The following LPP variants were observed in gnomAD, a reference collection of about 807,000 sequenced individuals.
LPP encodes LIM domain containing preferred translocation partner in lipoma.
In LPP, 38 loss-of-function variants were observed where a neutral mutation model predicts 60.4. The ratio of observed to expected loss-of-function variants is 0.63; its 90% CI spans 0.49 to 0.83. LPP has a LOEUF of 0.83. Ranked by LOEUF, LPP falls within the 40% of genes least tolerant of loss-of-function variation. LPP has a pLI of 0.00. For synonymous variants in LPP, 328 were observed against 290.8 expected, an observed-to-expected ratio of 1.13 and a Z score of -1.30; for missense variants, 902 against 783.6, an observed-to-expected ratio of 1.15 and a Z score of -1.80.
At chr3:188,514,954 G>A (rs561429959) in intron 5 of LPP, among the ~76,000 whole-genome samples, 1 of 152,284 alleles carries the variant, frequency 6.6e-6, no homozygotes, top group South Asian at 2.1e-4. Flanking sequence ...TTCCTTTAAA[G>A]GAGATTTGGG....
At chr3:188,451,148 C>T (rs183503138) in intron 4 of LPP, among the ~76,000 whole-genome samples, 30 of 152,144 alleles carry the variant, frequency 2.0e-4, no homozygotes, top group Non-Finnish European at 2.8e-4. Flanking sequence ...ATCACCAGCA[C>T]GGGGTATTGC....
intron 7 of LPP, among the ~76,000 whole-genome samples, chr3:188,656,939 T>C (rs189239745): frequency 7.4e-4 from 112 of 152,242 alleles, no homozygotes; most frequent in African/African-American, 2.6e-3. Flanking sequence ...TATCCCTTGT[T>C]CTTCCTACTA....
At chr3:188,825,212 T>C (rs1755062845) in intron 9 of LPP, among the ~76,000 whole-genome samples, 1 of 152,086 alleles carries the variant, frequency 6.6e-6, no homozygotes, top group Non-Finnish European at 1.5e-5. Flanking sequence ...GTGCTGCCTT[T>C]GTCTTTGTAT....
At chr3:188,173,660 A>G (rs111583689) in intron 1 of LPP, among the ~76,000 whole-genome samples, 2,123 of 152,216 alleles carry the variant, frequency 0.014, 28 homozygotes, top group South Asian at 0.033. Flanking sequence ...GCAGGATGGG[A>G]CCCACCTTTT....
chr3:188,478,784 C>T (rs1006892771), intron 4 of LPP, among the ~76,000 whole-genome samples: 1 of 152,080 alleles, frequency 6.6e-6, no homozygotes, highest in Non-Finnish European at 1.5e-5. Flanking sequence ...GAGATGGAGT[C>T]TTGCTCTGTC....
chr3:188,526,799 G>C (rs1018000939), intron 6 of LPP, among the ~76,000 whole-genome samples: 1 of 152,096 alleles, frequency 6.6e-6, no homozygotes, highest in African/African-American at 2.4e-5. Context: ...TGGTCTTTTG[G>C]GGGAACCGAT....
At chr3:188,440,296 A>G (rs1305731545) in intron 4 of LPP, among the ~76,000 whole-genome samples, 2 of 152,216 alleles carry the variant, frequency 1.3e-5, no homozygotes, top group Non-Finnish European at 2.9e-5. Context: ...TAAAAAAGAG[A>G]ATAATAACCA....
chr3:188,498,274 A>G (rs1289850111), intron 5 of LPP, among the ~76,000 whole-genome samples: 3 of 152,134 alleles, frequency 2.0e-5, no homozygotes, highest in East Asian at 1.9e-4. Context: ...TATTGTTGCA[A>G]CTGTCACCAG....
rs534249485 is a variant in LPP at position 188,401,884 on chromosome 3, C to A, written c.-9-4228C>A. 3.9e-5 allele frequency among the ~76,000 whole-genome samples: 6 copies of A among 152,204 alleles called. No homozygotes were observed. In the South Asian group the frequency reaches 8.3e-4, roughly 21 times the overall value. ...TAGAATATAGTGCAAGATTTGCCTT[C>A]AAGGACTAGTAGAAAGTAATGCTTA... On this transcript the variant is annotated intron_variant, in intron 3 of 11. Coordinates refer to ENST00000617246, the MANE Select transcript of LPP (RefSeq NM_001375462.1).
At chr3:188,748,654 G>C (rs1727077759) in intron 8 of LPP, among the ~76,000 whole-genome samples, 1 of 151,954 alleles carries the variant, frequency 6.6e-6, no homozygotes, top group African/African-American at 2.4e-5. Context: ...ATGGTGACGT[G>C]CGCCTGTAAT....
chr3:188,256,879 G>T (rs1412026434), intron 2 of LPP, among the ~76,000 whole-genome samples: 1 of 152,200 alleles, frequency 6.6e-6, no homozygotes, highest in Non-Finnish European at 1.5e-5. Context: ...ATACGTGTGG[G>T]TGTTTCAAAG....
intron 6 of LPP, among the ~76,000 whole-genome samples, chr3:188,606,836 G>T (rs981990977): frequency 2.0e-5 from 3 of 151,976 alleles, no homozygotes; most frequent in Admixed American, 6.6e-5. Flanking sequence ...ATAAAGCTTT[G>T]CTTTTCTTTG....
intron 2 of LPP, among the ~76,000 whole-genome samples, chr3:188,231,649 G>T (rs942679799): frequency 6.6e-6 from 1 of 151,412 alleles, no homozygotes. Flanking sequence ...CACAGAGCCA[G>T]CGGTAGTCAA....
intron 7 of LPP, among the ~76,000 whole-genome samples, chr3:188,642,455 T>C (rs1452464922): frequency 6.6e-6 from 1 of 152,208 alleles, no homozygotes; most frequent in Non-Finnish European, 1.5e-5. Context: ...GACTAAGAAA[T>C]GGAATAAATG....
intron 9 of LPP, among the ~76,000 whole-genome samples, chr3:188,781,600 C>T (rs1053807295): frequency 2.0e-5 from 3 of 151,902 alleles, no homozygotes; most frequent in Non-Finnish European, 4.4e-5. Context: ...CTATCACCCC[C>T]TGCCTCGGTG....
chr3:188,160,263 C>T (rs377279783), intron 1 of LPP, among the ~76,000 whole-genome samples: 16 of 149,180 alleles, frequency 1.1e-4, no homozygotes, highest in South Asian at 1.1e-3. Context: ...GGCCCGATCT[C>T]GGCTCACTGC....
intron 2 of LPP, among the ~76,000 whole-genome samples, chr3:188,260,040 TTTTA>T (rs764548132): frequency 1.3e-5 from 2 of 151,920 alleles, no homozygotes; most frequent in East Asian, 1.9e-4. Flanking sequence ...ATTATTCTTA[TTTTA>T]TTTATTTATT....
At chr3:188,531,214 G>C (rs189819761) in intron 6 of LPP, among the ~76,000 whole-genome samples, 2 of 152,120 alleles carry the variant, frequency 1.3e-5, no homozygotes, top group Non-Finnish European at 2.9e-5. Context: ...AGACTAGTGT[G>C]ATACTGTGAA....
In LPP at chr3:188,355,041, G is replaced by A. The variant is rs563054704; in HGVS notation, c.-10+13322G>A. On this transcript the variant is annotated intron_variant, in intron 3 of 11. Coordinates refer to ENST00000617246, the MANE Select transcript of LPP (RefSeq NM_001375462.1). The stretch of plus-strand genomic sequence containing the variant: ...CTTTTTTGTTTTTAGACAGAGTCTC[G>A]CTCTGTCACTAGGCTAGAGTGCAGT... Among the ~76,000 whole-genome samples, 92 of 152,000 alleles carry A rather than the reference G, an allele frequency of 6.1e-4. 2 individuals carry two copies. In the South Asian group the frequency reaches 7.1e-3, roughly 12 times the overall value.
Sources: allele counts gnomAD v4.1 joint callset (sites outside exome capture counted in the v4.1 genomes callset), GRCh38; gene constraint gnomAD v4.1.1; transcripts MANE v1.5; gene names NCBI Gene and HGNC (gene_info 2026-07-23, HGNC 2026-07-21).